The following COL6A6 variants were observed in gnomAD, a reference collection of about 807,000 sequenced individuals.
COL6A6 encodes the protein collagen type VI alpha 6 chain.
COL6A6 carries 183 observed loss-of-function variants against 208.6 expected under a neutral mutation model. That is an observed-to-expected ratio of 0.88 (90% CI 0.78 to 0.99). The LOEUF (loss-of-function observed/expected upper bound fraction) is 0.99. COL6A6 is among the 50% of genes least tolerant of loss of function. The pLI is 0.00. For synonymous variants in COL6A6, 973 were observed against 1,011.8 expected (o/e 0.96, Z 0.73); for missense variants, 2,816 against 2,815.2 (o/e 1.00, Z -0.01).
At chr3:130,551,769 T>G (rs1010846379) in intron 1 of COL6A6, among the ~76,000 whole-genome samples, 5 of 152,160 alleles carry the variant, frequency 3.3e-5, no homozygotes, top group Admixed American at 6.5e-5. Flanking sequence ...ATTTGAGATA[T>G]TTCTAAGTTT....
At chr3:130,673,396 A>C (rs1256559965) in intron 36 of COL6A6, among the ~76,000 whole-genome samples, 2 of 151,196 alleles carry the variant, frequency 1.3e-5, no homozygotes, top group Non-Finnish European at 3.0e-5. Context: ...TTCGTAACAA[A>C]GATGGGAAGA....
At chr3:130,531,059 CAG>C (rs879424369) in intron 1 of COL6A6, among the ~76,000 whole-genome samples, 3,729 of 22,294 alleles carry the variant, frequency 0.17, 128 homozygotes, top group African/African-American at 0.22. Context: ...CACACACACA[CAG>C]TCTCTCTCTC....
intron 28 of COL6A6, 48 bp downstream of exon 28, chr3:130,635,809 G>A (rs760845476): frequency 1.5e-6 from 2 of 1,295,732 alleles, no homozygotes; most frequent in East Asian, 2.3e-5. Flanking sequence ...ACATTGGGAA[G>A]TCCTCCTTTG....
intron 11 of COL6A6, among the ~76,000 whole-genome samples, chr3:130,587,386 C>G (rs766652488): frequency 1.3e-5 from 2 of 152,280 alleles, no homozygotes; most frequent in African/African-American, 2.4e-5. Context: ...CTCAGCCTCC[C>G]GAGTAGCTGG....
intron 1 of COL6A6, among the ~76,000 whole-genome samples, chr3:130,548,086 C>T (rs2107786981): frequency 6.6e-6 from 1 of 152,392 alleles, no homozygotes; most frequent in Non-Finnish European, 1.5e-5. Flanking sequence ...AGCCACTGTG[C>T]CCGGCCAATC....
intron 36 of COL6A6, among the ~76,000 whole-genome samples, chr3:130,670,505 C>T (rs1214394160): frequency 6.6e-6 from 1 of 152,160 alleles, no homozygotes; most frequent in Admixed American, 6.5e-5. Flanking sequence ...AGACTTGGTT[C>T]ACTTGCCAGT....
chr3:130,586,026 G>C (rs977170023), intron 10 of COL6A6, among the ~76,000 whole-genome samples: 7 of 151,772 alleles, frequency 4.6e-5, no homozygotes, highest in Non-Finnish European at 1.0e-4. Flanking sequence ...ACAATCACAG[G>C]TCACTGCAGG....
At chr3:130,566,037 T>C (rs548645918) in intron 4 of COL6A6, among the ~76,000 whole-genome samples, 11 of 152,302 alleles carry the variant, frequency 7.2e-5, no homozygotes, top group African/African-American at 2.4e-4. Context: ...AACAGGAGTG[T>C]GATTTGAATG....
chr3:130,670,524 C>T (rs2066186387), intron 36 of COL6A6, among the ~76,000 whole-genome samples: 2 of 152,324 alleles, frequency 1.3e-5, no homozygotes, highest in South Asian at 2.1e-4. Context: ...GTCAACCTCC[C>T]TCCACTTCCC....
At position 130,566,811 on chromosome 3, in the gene COL6A6, GATGTTCAAC is replaced by G. The variant is rs752810157; in HGVS notation, c.1395_1403del (p.Met465_Asn467del). 7 of 1,614,002 alleles carry G rather than the reference GATGTTCAAC, an allele frequency of 4.3e-6. No individual in the cohort carries two copies. The highest frequency in any genetic ancestry group is 5.9e-6 in the Non-Finnish European group (7 of 1,179,894). On this transcript the variant is annotated inframe_deletion, in exon 5 of 37. Coordinates refer to ENST00000358511, the MANE Select transcript of COL6A6 (RefSeq NM_001102608.3). The stretch of plus-strand genomic sequence containing the variant: ...AGACGTTCCTGTCAGAGGTGGTAGG[GATGTTCAAC>G]ATTGCTCCCCATAAGGTGCGGGTTG...
chr3:130,528,075 TA>T (rs1377656086), intron 1 of COL6A6, among the ~76,000 whole-genome samples: 1 of 152,000 alleles, frequency 6.6e-6, no homozygotes, highest in African/African-American at 2.4e-5. Context: ...AGCTTAATCA[TA>T]GATTTGAGAT....
At chr3:130,656,635 G>A (rs1428051375) in intron 33 of COL6A6, among the ~76,000 whole-genome samples, 2 of 152,142 alleles carry the variant, frequency 1.3e-5, no homozygotes, top group Non-Finnish European at 2.9e-5. Flanking sequence ...TTGAAGGTGG[G>A]GTTTCACTGA....
intron 13 of COL6A6, among the ~76,000 whole-genome samples, 175 bp downstream of exon 13, chr3:130,591,269 ATTGACCTATTGTCTCTTCT>A (rs1396146621): frequency 3.3e-5 from 5 of 152,176 alleles, no homozygotes; most frequent in Non-Finnish European, 7.4e-5. Flanking sequence ...TTAGTGGTTT[ATTGACCTATTGTCTCTTCT>A]TTGACTACCC....
In COL6A6 at chr3:130,658,729, C is replaced by A. The variant is rs375712957; in HGVS notation, c.5787C>A (p.Tyr1929Ter). The A allele has an allele frequency of 4.3e-6, 7 of 1,613,134 alleles. No homozygotes were observed. Among genetic ancestry groups the A allele is most frequent in the East Asian group, 4.5e-5 (2 of 44,890 alleles). ...TAGTGGTTCCCTCCGGGGCCGACTA[C>A]ATACCAGCATTAGAGAGACTCCAGC... The part of the protein sequence containing the change: ...QVIVVPSGAD[Y>*]IPALERLQRC... Residue 1929 changes from tyrosine (Y) to a stop codon, truncating the protein, a stop_gained, in exon 34 of 37, where the codon TAC becomes TAA. Coordinates refer to ENST00000358511, the MANE Select transcript of COL6A6 (RefSeq NM_001102608.3). LOFTEE classifies it high-confidence loss of function.
At chr3:130,588,619 A>G (rs1382795466) in intron 11 of COL6A6, among the ~76,000 whole-genome samples, 1 of 152,210 alleles carries the variant, frequency 6.6e-6, no homozygotes, top group Non-Finnish European at 1.5e-5. Flanking sequence ...GTTCCAAGAC[A>G]TGTTACATTG....
chr3:130,526,316 G>T (rs923788480), intron 1 of COL6A6, among the ~76,000 whole-genome samples: 2 of 152,022 alleles, frequency 1.3e-5, no homozygotes, highest in Non-Finnish European at 2.9e-5. Context: ...CTTTGGGCTT[G>T]TTCATGGAAT....
At chr3:130,658,274 T>C (rs1336954701) in intron 33 of COL6A6, among the ~76,000 whole-genome samples, 2 of 152,342 alleles carry the variant, frequency 1.3e-5, no homozygotes, top group East Asian at 3.9e-4. Flanking sequence ...TGAGCTTCAG[T>C]TTCCCCATCT....
At chr3:130,522,282 C>T (rs1711118604) in intron 1 of COL6A6, among the ~76,000 whole-genome samples, 1 of 152,274 alleles carries the variant, frequency 6.6e-6, no homozygotes, top group East Asian at 1.9e-4. Flanking sequence ...CCTAAATTCT[C>T]ATCGCCTTTT....
intron 1 of COL6A6, among the ~76,000 whole-genome samples, chr3:130,553,092 T>C (rs2062684722): frequency 6.6e-6 from 1 of 152,194 alleles, no homozygotes; most frequent in African/African-American, 2.4e-5. Context: ...TTCTTTCATT[T>C]TGACCTGGGA....
Sources: gnomAD v4.1 joint callset for allele counts (sites outside exome capture counted in the v4.1 genomes callset) on GRCh38, gnomAD v4.1.1 for gene constraint, MANE v1.5 for transcripts, NCBI Gene and HGNC (gene_info 2026-07-23, HGNC 2026-07-21) for gene names.